ADI1: variants seen among roughly 807,000 people sequenced by gnomAD.
ADI1 encodes the protein acireductone dioxygenase.
In ADI1, 21 loss-of-function variants were observed where a neutral mutation model predicts 18.7. The ratio of observed to expected loss-of-function variants is 1.13; its 90% CI spans 0.80 to 1.62. The LOEUF is 1.62. Among genes scored for constraint, ADI1 ranks in the 40% most tolerant of loss-of-function variants. The pLI, the probability that ADI1 is intolerant of heterozygous loss-of-function variation, is 0.00. For missense variants in ADI1, 245 were observed against 254.9 expected (o/e 0.96, Z 0.26); for synonymous variants, 90 against 100.1 (o/e 0.90, Z 0.60).
chr2:3,500,288 G>A (rs4411730), intron 3 of ADI1, among the ~76,000 whole-genome samples: 27,919 of 152,052 alleles, frequency 0.18, 2,657 homozygotes, highest in East Asian at 0.23. Context: ...CCTTAAATCA[G>A]CATTACCCCA....
intron 1 of ADI1, among the ~76,000 whole-genome samples, chr2:3,518,502 G>A (rs966707714): frequency 6.6e-6 from 1 of 152,210 alleles, no homozygotes; most frequent in Non-Finnish European, 1.5e-5. Flanking sequence ...GCAAGCAACG[G>A]GACACCGGTG....
intron 1 of ADI1, 93 bp from the exon 2 acceptor site, chr2:3,514,069 C>T: frequency 1.4e-6 from 2 of 1,408,140 alleles, no homozygotes; most frequent in East Asian, 4.7e-5. Context: ...ATTTTATACT[C>T]CAAATTTATC....
Position 3,510,703 on chromosome 2 carries a change from C to T in ADI1, c.240+3154G>A, listed in dbSNP as rs577257921. ...CAACTCAAATGAAATGGACAAATGC[C>T]TTGAGAGAAACAAACAAATAATGCT... On this transcript the variant is annotated intron_variant, in intron 2 of 3. Coordinates refer to ENST00000327435, the MANE Select transcript of ADI1 (RefSeq NM_018269.4). Among the ~76,000 whole-genome samples, 3 of 152,162 alleles carry T rather than the reference C, an allele frequency of 2.0e-5. No individual in the cohort carries two copies. The South Asian group carries it at 6.2e-4, about 32-fold the overall frequency.
intron 2 of ADI1, among the ~76,000 whole-genome samples, chr2:3,511,758 A>G (rs1667299009): frequency 6.6e-6 from 1 of 152,208 alleles, no homozygotes; most frequent in South Asian, 2.1e-4. Flanking sequence ...GAAAGTTTGG[A>G]ACTTTTTAGA....
At chr2:3,500,491 G>C in intron 3 of ADI1, 1 of 477,712 alleles carries the variant, frequency 2.1e-6, no homozygotes, top group Non-Finnish European at 3.8e-6. Flanking sequence ...CGCCAAGCAA[G>C]GGCTGGGGCA....
At chr2:3,504,565 T>G (rs1275967727) in intron 2 of ADI1, among the ~76,000 whole-genome samples, 1 of 152,234 alleles carries the variant, frequency 6.6e-6, no homozygotes, top group Non-Finnish European at 1.5e-5. Context: ...GGAAGAATCA[T>G]TTGACATAGA....
intron 2 of ADI1, among the ~76,000 whole-genome samples, chr2:3,503,479 ACACT>A (rs1177148232): frequency 2.8e-5 from 3 of 107,914 alleles, no homozygotes; most frequent in African/African-American, 2.2e-4. Context: ...GTGTGCATTC[ACACT>A]CATGCACACG....
At chr2:3,500,567 T>C in intron 3 of ADI1, 1 of 586,676 alleles carries the variant, frequency 1.7e-6, no homozygotes, top group Non-Finnish European at 3.0e-6. Flanking sequence ...CTGCCCCGCC[T>C]GGGTATGAAA....
intron 2 of ADI1, among the ~76,000 whole-genome samples, chr2:3,511,186 G>A: frequency 6.8e-6 from 1 of 147,346 alleles, no homozygotes; most frequent in South Asian, 2.1e-4. Context: ...TCTCTCTCTT[G>A]TTCCCATTCC....
chr2:3,507,109 A>G (rs1396866240), intron 2 of ADI1, among the ~76,000 whole-genome samples: 1 of 152,200 alleles, frequency 6.6e-6, no homozygotes, highest in African/African-American at 2.4e-5. Flanking sequence ...TTGACTCACA[A>G]TTGTGAAGGA....
chr2:3,518,907 G>C (rs1476560143), intron 1 of ADI1, among the ~76,000 whole-genome samples: 1 of 152,206 alleles, frequency 6.6e-6, no homozygotes, highest in Non-Finnish European at 1.5e-5. Flanking sequence ...GCGAGTCCCG[G>C]CTGCGAGGCC....
At position 3,519,531 on chromosome 2, in the gene ADI1, C is replaced by A; in HGVS notation, c.-44G>T. On this transcript the variant is annotated 5_prime_UTR_variant, in exon 1 of 4. Transcript: ENST00000327435. ...CGTGTTCGAACCCAGGGGCCGCGCT[C>A]GGAGCCCGTCGGCCGCGCTTTATCT... The A allele has an allele frequency of 8.0e-7, 1 of 1,252,562 alleles. No homozygotes were observed. The highest frequency in any genetic ancestry group is 3.2e-5 in the South Asian group (1 of 31,188). The allele number at this position is 1,252,562 out of a possible 1,614,324, so 77.6% of individuals were successfully genotyped here. A position where few individuals can be genotyped will look rare whatever the true frequency, so the allele number is the denominator to read the frequency against.
In ADI1 at chr2:3,498,126, C is replaced by T. The variant is rs1666906651; in HGVS notation, c.*837G>A. On this transcript the variant is annotated 3_prime_UTR_variant, in exon 4 of 4. Transcript: ENST00000327435. ...AATCCTAACATGAAGATTTTTCATC[C>T]AGTTAAAAAAAGAAATACTTTAAAA... The T allele has an allele frequency of 6.6e-6, 1 of 152,020 alleles. No homozygotes were observed. The highest frequency in any genetic ancestry group is 1.9e-4 in the East Asian group (1 of 5,192). 9.4% of individuals were successfully genotyped at this position (152,020 alleles called of 1,614,324 possible). A position where few individuals can be genotyped will look rare whatever the true frequency, so the allele number is the denominator to read the frequency against.
At chr2:3,511,421 A>G (rs1572237947) in intron 2 of ADI1, among the ~76,000 whole-genome samples, 2 of 137,666 alleles carry the variant, frequency 1.5e-5, no homozygotes, top group Admixed American at 7.3e-5. Flanking sequence ...TCTCTCTTTC[A>G]TTCCCACTCC....
chr2:3,507,125 C>T (rs1174016377), intron 2 of ADI1, among the ~76,000 whole-genome samples: 1 of 152,194 alleles, frequency 6.6e-6, no homozygotes, highest in East Asian at 1.9e-4. Context: ...AAGGAAGAAT[C>T]AGCAAGCTTG....
rs972683460 is a variant in ADI1, at chr2:3,498,713, A to G, written c.*250T>C. 2 of 421,650 alleles carry G rather than the reference A, an allele frequency of 4.7e-6. No individual in the cohort carries two copies. Among genetic ancestry groups the G allele is most frequent in the Non-Finnish European group, 8.1e-6 (2 of 246,968 alleles). 26.1% of individuals were successfully genotyped at this position (421,650 alleles called of 1,614,324 possible). A position where few individuals can be genotyped will look rare whatever the true frequency, so the allele number is the denominator to read the frequency against. ...TTTCATTTGGGACTCAACTGAATGC[A>G]TGAACTAACACAGGGCCATGGACCC... is the stretch of plus-strand genomic sequence containing the variant. On this transcript the variant is annotated 3_prime_UTR_variant, in exon 4 of 4. Transcript: ENST00000327435.
chr2:3,519,229 C>CCT, intron 1 of ADI1, 139 bp downstream of exon 1: 1 of 1,238,470 alleles, frequency 8.1e-7, no homozygotes, highest in African/African-American at 1.6e-5. Flanking sequence ...CCGCCACGAA[C>CCT]CCCCAAATCC....
chr2:3,509,005 AAGGG>A (rs375978249), intron 2 of ADI1, among the ~76,000 whole-genome samples: 39 of 110,286 alleles, frequency 3.5e-4, no homozygotes, highest in African/African-American at 6.0e-4. Context: ...AGAAGGAAGG[AAGGG>A]AGGGAGGGAG....
intron 2 of ADI1, among the ~76,000 whole-genome samples, chr2:3,501,443 T>TCACAACA (rs1667004026): frequency 6.6e-6 from 1 of 152,004 alleles, no homozygotes; most frequent in Non-Finnish European, 1.5e-5. Flanking sequence ...AGTCATGAAA[T>TCACAACA]CACAACACAC....
Sources: allele counts gnomAD v4.1 joint callset (sites outside exome capture counted in the v4.1 genomes callset), GRCh38; gene constraint gnomAD v4.1.1; transcripts MANE v1.5; gene names NCBI Gene and HGNC (gene_info 2026-07-23, HGNC 2026-07-21).